Variants in AGL observed in about 807,000 individuals in gnomAD.
AGL encodes amylo-alpha-1,6-glucosidase and 4-alpha-glucanotransferase, also known as glycogen debranching enzyme.
A neutral mutation model predicts 199.3 loss-of-function variants in AGL; 128 were observed. The observed-to-expected ratio is 0.64, with a 90% confidence interval of 0.56 to 0.74. The LOEUF is 0.74. AGL is among the 30% of genes least tolerant of loss of function. AGL has a pLI of 0.00. For synonymous variants in AGL, 584 were observed against 594.7 expected (o/e 0.98, Z 0.26); for missense variants, 1,809 against 1,820.8 (o/e 0.99, Z 0.12).
At chr1:99,896,413 A>C (rs772432137) in intron 25 of AGL, 25 bp downstream of exon 25, 2 of 1,531,466 alleles carry the variant, frequency 1.3e-6, no homozygotes, top group Admixed American at 1.7e-5. Flanking sequence ...AAAGTGTTGT[A>C]CTGCGAGTTT....
chr1:99,864,696 T>A, intron 5 of AGL, 107 bp downstream of exon 5: 1 of 983,728 alleles, frequency 1.0e-6, no homozygotes, highest in Non-Finnish European at 1.5e-6. Flanking sequence ...GGAAAGGGGC[T>A]AACATAAATT....
chr1:99,908,885 G>A (rs6577145), intron 27 of AGL, among the ~76,000 whole-genome samples: 4,745 of 152,178 alleles, frequency 0.031, 114 homozygotes, highest in Non-Finnish European at 0.046. Flanking sequence ...CTATCAGGAG[G>A]CCACTCAGGA....
At chr1:99,857,435 C>T (rs941652429) in intron 2 of AGL, among the ~76,000 whole-genome samples, 32 of 152,106 alleles carry the variant, frequency 2.1e-4, no homozygotes, top group Non-Finnish European at 7.4e-5. Flanking sequence ...GCTGCAGTCT[C>T]GGCACTTTGG....
intron 25 of AGL, among the ~76,000 whole-genome samples, chr1:99,899,902 G>A (rs541221960): frequency 6.7e-6 from 1 of 150,166 alleles, no homozygotes; most frequent in South Asian, 2.1e-4. Context: ...TTACAGGCCT[G>A]AGCCACCACG....
chr1:99,857,847 A>AGAGGGAGACCGTGGGGAGTGGGAGGGGGG (rs1557743553), intron 2 of AGL, among the ~76,000 whole-genome samples: 1 of 8,226 alleles, frequency 1.2e-4, no homozygotes, highest in Non-Finnish European at 2.4e-4. Flanking sequence ...GGGGAGGGGG[A>AGAGGGAGACCGTGGGGAGTGGGAGGGGGG]GGGGGGAAGA....
Position 99,908,169 on chromosome 1 carries a change from A to C in AGL, c.3701-2543A>C, listed in dbSNP as rs534399205. On this transcript the variant is annotated intron_variant, in intron 27 of 33. Coordinates refer to ENST00000361915, the MANE Select transcript of AGL (RefSeq NM_000642.3). ...ACTCTTGTGTTTAGGTCTTTGATCC[A>C]TATTGAGTTAATTTTTGCATATGAT... is the stretch of plus-strand genomic sequence containing the variant. Among the ~76,000 whole-genome samples the C allele has an allele frequency of 9.2e-4, 140 of 151,698 alleles. No homozygotes were observed. In the Middle Eastern group the frequency reaches 0.017, roughly 19 times the overall value.
At chr1:99,892,845 A>AT (rs1285538405) in intron 24 of AGL, among the ~76,000 whole-genome samples, 1 of 147,958 alleles carries the variant, frequency 6.8e-6, no homozygotes, top group South Asian at 2.2e-4. Flanking sequence ...TCATGTTTCT[A>AT]TTTTTTCCAA....
rs1175506369 is a variant in AGL at position 99,875,435 on chromosome 1, A to G, written c.1263A>G (p.Arg421=). 5 of 1,614,142 alleles carry G rather than the reference A, an allele frequency of 3.1e-6. No individual in the cohort carries two copies. Among genetic ancestry groups the G allele is most frequent in the Non-Finnish European group, 3.4e-6 (4 of 1,180,002 alleles). The stretch of plus-strand genomic sequence containing the variant: ...GTCCAAAACTAGGACCTGTCACTAG[A>G]AAGCATCCTTTAGTTACCAGGTGTT... ...GHGPKLGPVT[R]KHPLVTRYFT... is the part of the protein sequence containing the mutation. The change falls in exon 10 of 34, where the codon AGA becomes AGG. Residue 421 remains arginine (R), a synonymous_variant. Transcript: ENST00000361915.
At chr1:99,912,875 T>C (rs1422988841) in intron 29 of AGL, among the ~76,000 whole-genome samples, 1 of 152,208 alleles carries the variant, frequency 6.6e-6, no homozygotes, top group Non-Finnish European at 1.5e-5. Context: ...TTAAATTTTA[T>C]AGTACCCACA....
intron 28 of AGL, among the ~76,000 whole-genome samples, chr1:99,911,882 A>G (rs753692683): frequency 3.9e-5 from 6 of 152,292 alleles, no homozygotes; most frequent in Middle Eastern, 3.4e-3. Context: ...CAGGAGTTTG[A>G]AACCAGCTTG....
At position 99,906,561 on chromosome 1, in the gene AGL, T is replaced by C. The variant is rs181831741; in HGVS notation, c.3700+3767T>C. ...TATCCCCACTCTTCCCAGGCCTTAG[T>C]AACCACCTGTCTGCTTTCTGTCCCT... On this transcript the variant is annotated intron_variant, in intron 27 of 33. Coordinates refer to ENST00000361915, the MANE Select transcript of AGL (RefSeq NM_000642.3). Among the ~76,000 whole-genome samples the C allele has an allele frequency of 1.3e-3, 204 of 152,306 alleles. 2 individuals are homozygous for C. The highest frequency in any genetic ancestry group is 3.3e-3 in the Admixed American group (50 of 15,300).
chr1:99,851,064 C>A lies in AGL; in HGVS notation c.22C>A (p.Arg8=). The change falls in exon 2 of 34, where the codon CGA becomes AGA. Residue 8 remains arginine, a synonymous_variant. Coordinates refer to ENST00000361915, the MANE Select transcript of AGL (RefSeq NM_000642.3). MGHSKQI[R]ILLLNEMEKL... ...CAAAATGGGACACAGTAAACAGATT[C>A]GAATTTTACTTCTGAACGAAATGGA... The A allele has an allele frequency of 6.2e-7, 1 of 1,614,000 alleles. No homozygotes were observed. Among genetic ancestry groups the A allele is most frequent in the Non-Finnish European group, 8.5e-7 (1 of 1,179,908 alleles).
chr1:99,921,453 A>G, intron 33 of AGL, 81 bp from the exon 34 acceptor site: 1 of 941,988 alleles, frequency 1.1e-6, no homozygotes, highest in Non-Finnish European at 1.7e-6. Flanking sequence ...CTACACTAGA[A>G]GGCAAAAATC....
chr1:99,902,720 A>G lies in AGL; in HGVS notation c.3626A>G (p.Gln1209Arg), dbSNP rs1244477744. Residue 1209 changes from glutamine (Q) to arginine (R), a missense_variant, in exon 27 of 34, where the codon CAA (glutamine) becomes CGA (arginine). Physicochemically the swap from Gln to Arg is conservative, Grantham distance 43. Transcript: ENST00000361915. Reference protein sequence around the residue: ...PLFEVIQEAMQKHMQGIQFRE... With the variant: ...PLFEVIQEAMRKHMQGIQFRE... ...TTTGAAGTCATACAGGAAGCAATGC[A>G]AAAACACATGCAGGGCATACAGTTC... 2 of 1,613,544 alleles carry G rather than the reference A, an allele frequency of 1.2e-6. No homozygotes were observed. The highest frequency in any genetic ancestry group is 8.5e-7 in the Non-Finnish European group (1 of 1,179,550).
chr1:99,870,762 T>C lies in AGL; in HGVS notation c.851T>C (p.Ile284Thr), dbSNP rs1650924155. Reference protein sequence around the residue: ...LIENDHHMNSIRKIIWEDIFP... With the variant: ...LIENDHHMNSTRKIIWEDIFP... ...TTAACTATTGACATTTTTCAGTCCA[T>C]CCGAAAAATAATTTGGGAGGATATT... Residue 284 changes from isoleucine (I) to threonine (T), a missense_variant, in exon 7 of 34, where the codon ATC becomes ACC. Transcript: ENST00000361915. 1 of 1,585,962 alleles carries C rather than the reference T, an allele frequency of 6.3e-7. No individual in the cohort carries two copies. Among genetic ancestry groups the C allele is most frequent in the Admixed American group, 1.7e-5 (1 of 59,962 alleles).
In AGL at chr1:99,861,150, G is replaced by C. The variant is rs148506168; in HGVS notation, c.83-353G>C. ...AAATACTAGAGAAGGTCTCTCCTCA[G>C]ATGCCTGCCATTGGGTACTTAATTC... On this transcript the variant is annotated intron_variant, in intron 2 of 33. Transcript: ENST00000361915. 6.1e-4 allele frequency: 698 copies of C among 1,153,346 alleles called. 5 individuals carry two copies. In the African/African-American group the frequency reaches 0.011, roughly 18 times the overall value. 71.4% of individuals were successfully genotyped at this position (1,153,346 alleles called of 1,614,324 possible).
chr1:99,856,349 TCCCTCCCTCCCTCC>T (rs1649444102), intron 2 of AGL, among the ~76,000 whole-genome samples: 2 of 70,406 alleles, frequency 2.8e-5, no homozygotes, highest in African/African-American at 8.6e-5. Flanking sequence ...CCTCCCTCCC[TCCCTCCCTCCCTCC>T]CTTCCTTCCT....
upstream of AGL, among the ~76,000 whole-genome samples, chr1:99,849,560 T>C (rs1218720986): frequency 2.6e-5 from 4 of 152,106 alleles, no homozygotes; most frequent in Admixed American, 6.5e-5. Context: ...TCAGTGGTGT[T>C]TGCACTCTCG....
Position 99,861,486 on chromosome 1 carries a change from A to T in AGL, c.83-17A>T, listed in dbSNP as rs755290309. The T allele has an allele frequency of 6.2e-7, 1 of 1,613,562 alleles. No individual in the cohort carries two copies. ...TAAGTCCTACGATGAGTTTATTAAC[A>T]TGTGCTTTTTATTTAGGGTATGAGC... On this transcript the variant is annotated splice_polypyrimidine_tract_variant and intron_variant, in intron 2 of 33. Coordinates refer to ENST00000361915, the MANE Select transcript of AGL (RefSeq NM_000642.3).
Sources: allele counts gnomAD v4.1 joint callset (sites outside exome capture counted in the v4.1 genomes callset), GRCh38; gene constraint gnomAD v4.1.1; transcripts MANE v1.5; gene names NCBI Gene and HGNC (gene_info 2026-07-23, HGNC 2026-07-21).